The following MAGI2 variants were observed in gnomAD, a reference collection of about 807,000 sequenced individuals.
MAGI2 encodes the protein membrane associated guanylate kinase, WW and PDZ domain containing 2.
A neutral mutation model predicts 133.3 loss-of-function variants in MAGI2; 35 were observed. The observed-to-expected ratio is 0.26, with a 90% CI of 0.20 to 0.35. The LOEUF is 0.35. Ranked by LOEUF, MAGI2 falls within the 10% of genes least tolerant of loss-of-function variation. The pLI, the probability that MAGI2 is intolerant of heterozygous loss-of-function variation, is 1.00. For synonymous variants in MAGI2, 729 were observed against 710.6 expected (o/e 1.03, Z -0.41); for missense variants, 1,636 against 1,863.4 (o/e 0.88, Z 2.25).
intron 6 of MAGI2, among the ~76,000 whole-genome samples, chr7:78,458,762 G>T (rs532764738): frequency 1.1e-3 from 170 of 152,052 alleles, no homozygotes; most frequent in African/African-American, 3.7e-3. Context: ...AGCCTCCCGA[G>T]TAGGTGGGAC....
chr7:79,285,011 TGA>T (rs1323701288), intron 1 of MAGI2, among the ~76,000 whole-genome samples: 2 of 151,906 alleles, frequency 1.3e-5, no homozygotes, highest in Non-Finnish European at 2.9e-5. Context: ...TGAATTGGAA[TGA>T]GAGAGAAAAG....
In MAGI2 at chr7:78,019,973, T is replaced by A. The variant is rs1440734964; in HGVS notation, c.3710A>T (p.Glu1237Val). 6 of 1,604,072 alleles carry A rather than the reference T, an allele frequency of 3.7e-6. No homozygotes were observed. Among genetic ancestry groups the A allele is most frequent in the Non-Finnish European group, 4.2e-6 (5 of 1,176,690 alleles). ...AGCGGGAGAACTCCAGGGGGCGGGT[T>A]CGTCTGTGGACGGGAAGCACAGGCG... ...RGTGQVPEYD[E>V]PAPWSSPAAA... The change falls in exon 22 of 22, where the codon GAA (glutamate) becomes GTA (valine). Residue 1237 changes from glutamate (E) to valine (V), a missense_variant. Transcript: ENST00000354212.
intron 6 of MAGI2, among the ~76,000 whole-genome samples, chr7:78,414,544 A>T (rs984972149): frequency 2.0e-4 from 30 of 152,034 alleles, no homozygotes; most frequent in African/African-American, 7.0e-4. Context: ...AATAACTCCT[A>T]ATTTTAAAAG....
chr7:79,228,863 T>G (rs759403998), intron 1 of MAGI2, among the ~76,000 whole-genome samples: 1 of 152,148 alleles, frequency 6.6e-6, no homozygotes, highest in Non-Finnish European at 1.5e-5. Context: ...TGCTAATAGG[T>G]ACTGAGCATT....
At chr7:78,546,523 T>C (rs1218888460) in intron 3 of MAGI2, among the ~76,000 whole-genome samples, 2 of 152,242 alleles carry the variant, frequency 1.3e-5, no homozygotes, top group Non-Finnish European at 2.9e-5. Context: ...TTCTAAATTA[T>C]AGCTTAATCT....
chr7:78,689,336 C>CT (rs1816706794), intron 2 of MAGI2, among the ~76,000 whole-genome samples: 1 of 151,878 alleles, frequency 6.6e-6, no homozygotes, highest in African/African-American at 2.4e-5. Flanking sequence ...AATATATTAC[C>CT]TTTAGAACAA....
intron 6 of MAGI2, among the ~76,000 whole-genome samples, chr7:78,385,817 A>T (rs1795332684): frequency 6.6e-6 from 1 of 152,202 alleles, no homozygotes; most frequent in African/African-American, 2.4e-5. Flanking sequence ...GTTATAATTA[A>T]TTTTGAATCA....
At chr7:79,191,313 T>A (rs1360736760) in intron 1 of MAGI2, among the ~76,000 whole-genome samples, 2 of 151,346 alleles carry the variant, frequency 1.3e-5, no homozygotes, top group Non-Finnish European at 2.9e-5. Context: ...ATAGAGATTA[T>A]GTCTCTCAAA....
At chr7:78,232,903 G>C (rs1790128465) in intron 10 of MAGI2, among the ~76,000 whole-genome samples, 1 of 152,172 alleles carries the variant, frequency 6.6e-6, no homozygotes, top group Non-Finnish European at 1.5e-5. Context: ...TGCCATGAAG[G>C]CAGAGGTTTT....
chr7:78,497,773 T>TGTCTGTCTGTCTGTC (rs1794259068), intron 5 of MAGI2, among the ~76,000 whole-genome samples: 3 of 151,572 alleles, frequency 2.0e-5, no homozygotes, highest in Non-Finnish European at 2.9e-5. Flanking sequence ...TCTTTCTATC[T>TGTCTGTCTGTCTGTC]TATACACAGA....
At chr7:78,800,197 T>C (rs142286988) in intron 2 of MAGI2, among the ~76,000 whole-genome samples, 653 of 152,282 alleles carry the variant, frequency 4.3e-3, no homozygotes, top group Middle Eastern at 0.01. Context: ...AGTTATTGAA[T>C]TGGTCCAGGT....
chr7:78,316,698 G>A (rs911603275), intron 9 of MAGI2, among the ~76,000 whole-genome samples: 4 of 152,166 alleles, frequency 2.6e-5, no homozygotes, highest in African/African-American at 9.7e-5. Context: ...CCAAGAGAGA[G>A]TCAACTAAGG....
Position 78,256,151 on chromosome 7 carries a change from C to T in MAGI2, c.1839G>A (p.Gln613=). 6.2e-7 allele frequency: 1 copy of T among 1,613,940 alleles called. No homozygotes were observed. The highest frequency in any genetic ancestry group is 1.1e-5 in the South Asian group (1 of 91,068). The change falls in exon 10 of 22, where the codon CAG becomes CAA. Residue 613 remains glutamine, a synonymous_variant. Transcript: ENST00000354212. The part of the protein sequence containing the change: ...LMTLTIVKGA[Q]GFGFTIADSP... ...TGTCGGCAATAGTGAAGCCGAAGCCCTGGGCACCTTTCACAATGGTTAAGG... is the reference window on the plus strand; with the variant it reads ...TGTCGGCAATAGTGAAGCCGAAGCCTTGGGCACCTTTCACAATGGTTAAGG...
At chr7:79,080,620 T>G (rs1353862329) in intron 1 of MAGI2, among the ~76,000 whole-genome samples, 2 of 152,082 alleles carry the variant, frequency 1.3e-5, no homozygotes, top group African/African-American at 4.8e-5. Flanking sequence ...ATAGGAGTGC[T>G]CCTATCTTCA....
chr7:79,258,907 C>T (rs1833884415), intron 1 of MAGI2, among the ~76,000 whole-genome samples: 1 of 152,258 alleles, frequency 6.6e-6, no homozygotes. Context: ...GAGCAATCTA[C>T]TATCTTCAGA....
Position 79,227,042 on chromosome 7 carries a change from T to C in MAGI2, c.302-219836A>G, listed in dbSNP as rs183494883. Among the ~76,000 whole-genome samples the C allele has an allele frequency of 1.4e-3, 210 of 152,322 alleles. 1 individual carries two copies. Among genetic ancestry groups the C allele is most frequent in the South Asian group, 4.6e-3 (22 of 4,826 alleles). ...AAGTAAACATTTCAAGAAGCATTTA[T>C]TTTTGCACTTAAACAGTCAATATTT... On this transcript the variant is annotated intron_variant, in intron 1 of 21. Transcript: ENST00000354212.
intron 1 of MAGI2, among the ~76,000 whole-genome samples, chr7:79,158,867 G>T (rs958342385): frequency 6.6e-6 from 1 of 151,880 alleles, no homozygotes; most frequent in South Asian, 2.1e-4. Context: ...TTGATATTAA[G>T]TATCTAGATA....
chr7:79,370,331 T>C (rs1037525566), intron 1 of MAGI2, among the ~76,000 whole-genome samples: 1 of 152,150 alleles, frequency 6.6e-6, no homozygotes, highest in Non-Finnish European at 1.5e-5. Context: ...TATCACAGTT[T>C]ACTAAGGATA....
intron 1 of MAGI2, among the ~76,000 whole-genome samples, chr7:79,039,739 T>C (rs2116890376): frequency 6.6e-6 from 1 of 151,284 alleles, no homozygotes; most frequent in South Asian, 2.1e-4. Context: ...CCGAGCACTT[T>C]GGGAGGCCAA....
Sources: allele counts gnomAD v4.1 joint callset (sites outside exome capture counted in the v4.1 genomes callset), GRCh38; gene constraint gnomAD v4.1.1; transcripts MANE v1.5; gene names NCBI Gene and HGNC (gene_info 2026-07-23, HGNC 2026-07-21).